GALC: variants seen among roughly 807,000 people sequenced by gnomAD.
The protein encoded by GALC is galactosylceramidase.
Under a neutral mutation model 91.8 loss-of-function variants are expected in GALC, and 77 were observed. The ratio of observed to expected loss-of-function variants is 0.84; its 90% confidence interval spans 0.70 to 1.01. The LOEUF (loss-of-function observed/expected upper bound fraction) is 1.01, where lower values mean the gene tolerates loss of function less well. Ranked by LOEUF, GALC falls within the 50% of genes least tolerant of loss-of-function variation. The pLI is 0.00. For missense variants in GALC, 882 were observed against 855.9 expected (o/e 1.03, Z -0.38); for synonymous variants, 357 against 306.7 (o/e 1.16, Z -1.71).
Position 87,993,104 on chromosome 14 carries a change from C to T in GALC, c.61G>A (p.Ala21Thr). 2.5e-6 allele frequency: 4 copies of T among 1,587,084 alleles called. No homozygotes were observed. In the South Asian group the frequency reaches 3.4e-5, roughly 14 times the overall value. Residue 21 changes from alanine to threonine, a missense_variant, in exon 1 of 17, where the codon GCG becomes ACG. By Grantham distance (58) the Ala-to-Thr change is moderately conservative. Transcript: ENST00000261304. ...ACCGCGGCGCGGCCCGCCGAACCCG[C>T]GGCCGCAGTCATAGCTTTCGCTCGG... The part of the protein sequence containing the change: ...QRRAKAMTAA[A>T]GSAGRAAVPL...
At position 87,956,593 on chromosome 14, in the gene GALC, TACACACACACACACACACAC is replaced by T. The variant is rs56760246; in HGVS notation, c.1162-5865_1162-5846del. ...TATATATACACACACACCATATATA[TACACACACACACACACACAC>T]ACACACACCATATATATATGGTATA... On this transcript the variant is annotated intron_variant, in intron 10 of 16. Transcript: ENST00000261304. Among the ~76,000 whole-genome samples the T allele has an allele frequency of 4.2e-4, 58 of 139,284 alleles. No individual in the cohort carries two copies. The East Asian group carries it at 8.1e-3, about 19-fold the overall frequency. The allele number at this position is 139,284 out of a possible 152,430, so 91.4% of individuals were successfully genotyped here.
intron 10 of GALC, chr14:87,952,915 A>G (rs1885371665): frequency 2.9e-5 from 27 of 921,166 alleles, no homozygotes; most frequent in Middle Eastern, 3.3e-4. Flanking sequence ...CTTCTCAGTG[A>G]AAATAAAATT....
At position 87,987,958 on chromosome 14, in the gene GALC, G is replaced by A; in HGVS notation, c.328+186C>T. On this transcript the variant is annotated intron_variant, in intron 3 of 16. Transcript: ENST00000261304. Reference sequence around the variant, plus strand: ...TTGAAGTTTGAATATTGTTTTTGATGGACCAGTCATATTCTATATAATATT... The same window carrying A: ...TTGAAGTTTGAATATTGTTTTTGATAGACCAGTCATATTCTATATAATATT... 3 of 578,278 alleles carry A rather than the reference G, an allele frequency of 5.2e-6. 1 individual carries two copies. Among genetic ancestry groups the A allele is most frequent in the Non-Finnish European group, 9.1e-6 (3 of 328,620 alleles). 35.8% of individuals were successfully genotyped at this position (578,278 alleles called of 1,614,324 possible).
In GALC at chr14:87,949,930, C is replaced by T. The variant is rs1386323776; in HGVS notation, c.1253G>A (p.Ser418Asn). ...FATFVLKGSFSEIPELQVWYT... is the reference protein window; with the variant it reads ...FATFVLKGSFNEIPELQVWYT... Reference sequence around the variant, plus strand: ...CCATACCTGTAGCTCTGGTATTTCACTCTGTAAAGAAAAGACAAAAAAGCA... The same window carrying T: ...CCATACCTGTAGCTCTGGTATTTCATTCTGTAAAGAAAAGACAAAAAAGCA... Residue 418 changes from serine (S) to asparagine (N), a missense_variant and splice_region_variant, in exon 12 of 17, where the codon AGT (serine) becomes AAT (asparagine). Transcript: ENST00000261304. 1 of 1,536,166 alleles carries T rather than the reference C, an allele frequency of 6.5e-7. No homozygotes were observed. Among genetic ancestry groups the T allele is most frequent in the South Asian group, 1.1e-5 (1 of 89,314 alleles).
chr14:87,951,611 T>A (rs1885312393), intron 10 of GALC, among the ~76,000 whole-genome samples: 1 of 151,916 alleles, frequency 6.6e-6, no homozygotes, highest in Non-Finnish European at 1.5e-5. Flanking sequence ...TCCTCATAAA[T>A]ACAGGAAGAT....
chr14:87,945,201 C>T (rs1042638058), intron 14 of GALC, among the ~76,000 whole-genome samples: 1 of 151,890 alleles, frequency 6.6e-6, no homozygotes, highest in African/African-American at 2.4e-5. Flanking sequence ...ATCAACAAAT[C>T]AACTCTCCAG....
chr14:87,946,919 C>T (rs1051177472), intron 13 of GALC, among the ~76,000 whole-genome samples: 1 of 151,880 alleles, frequency 6.6e-6, no homozygotes, highest in Non-Finnish European at 1.5e-5. Flanking sequence ...AGGCGAGACC[C>T]TGTAGCAGTG....
At chr14:87,992,896 C>A in intron 1 of GALC, 74 bp downstream of exon 1, 1 of 1,442,188 alleles carries the variant, frequency 6.9e-7, no homozygotes. Context: ...GGCAACGCCG[C>A]GGGGGCTTGT....
intron 10 of GALC, among the ~76,000 whole-genome samples, chr14:87,952,237 T>C (rs569663140): frequency 2.0e-5 from 3 of 151,804 alleles, no homozygotes; most frequent in Non-Finnish European, 4.4e-5. Context: ...CTAGCCAGAC[T>C]AATAAAAAAT....
intron 5 of GALC, among the ~76,000 whole-genome samples, chr14:87,983,968 T>C (rs1886857203): frequency 1.3e-5 from 2 of 152,116 alleles, no homozygotes; most frequent in Non-Finnish European, 2.9e-5. Flanking sequence ...AACCCAAAAC[T>C]ATTTATGCTC....
At chr14:87,955,498 G>T (rs190645011) in intron 10 of GALC, among the ~76,000 whole-genome samples, 1 of 151,982 alleles carries the variant, frequency 6.6e-6, no homozygotes, top group African/African-American at 2.4e-5. Flanking sequence ...TCCCTGCTAC[G>T]TTCCAGGCAT....
At position 87,978,874 on chromosome 14, in the gene GALC, T is replaced by C. The variant is rs533527830; in HGVS notation, c.622-2386A>G. Among the ~76,000 whole-genome samples, 347 of 152,018 alleles carry C rather than the reference T, an allele frequency of 2.3e-3. 1 individual carries two copies. Among genetic ancestry groups the C allele is most frequent in the African/African-American group, 8.2e-3 (340 of 41,486 alleles). On this transcript the variant is annotated intron_variant, in intron 6 of 16. Coordinates refer to ENST00000261304, the MANE Select transcript of GALC (RefSeq NM_000153.4). ...AAACAATACCCTTGTCATCTTTATATAAATTGCTCCTTTGTATTATATTTA... is the reference window on the plus strand; with the variant it reads ...AAACAATACCCTTGTCATCTTTATACAAATTGCTCCTTTGTATTATATTTA...
At chr14:87,953,396 G>C in intron 10 of GALC, 1 of 1,445,374 alleles carries the variant, frequency 6.9e-7, no homozygotes, top group Non-Finnish European at 9.7e-7. Context: ...GCATATGAAA[G>C]TGGACAAAAC....
chr14:87,980,535 T>C (rs1886695693), intron 6 of GALC: 7 of 962,598 alleles, frequency 7.3e-6, no homozygotes, highest in Non-Finnish European at 4.9e-6. Context: ...GCACATGATA[T>C]GCCCCTGCCT....
chr14:87,969,750 C>G (rs926331592), intron 7 of GALC, among the ~76,000 whole-genome samples: 4 of 152,088 alleles, frequency 2.6e-5, no homozygotes, highest in African/African-American at 9.7e-5. Context: ...TTTTAGGTCA[C>G]AAATCTTTTA....
intron 9 of GALC, among the ~76,000 whole-genome samples, chr14:87,963,973 A>G (rs995385504): frequency 4.6e-5 from 7 of 152,172 alleles, no homozygotes; most frequent in African/African-American, 1.4e-4. Flanking sequence ...ACTAAGCAAT[A>G]TACCATGTCC....
chr14:87,986,162 A>G (rs144238985), intron 4 of GALC, among the ~76,000 whole-genome samples: 11 of 152,314 alleles, frequency 7.2e-5, no homozygotes, highest in African/African-American at 2.6e-4. Context: ...CATAGGAAAC[A>G]TGGAATTAGG....
chr14:87,964,635 A>T (rs1180553974), intron 9 of GALC, among the ~76,000 whole-genome samples: 1 of 152,142 alleles, frequency 6.6e-6, no homozygotes, highest in Non-Finnish European at 1.5e-5. Flanking sequence ...ATACTGTAGT[A>T]AAACTTTTGT....
chr14:87,953,264 A>G, intron 10 of GALC: 1 of 1,498,596 alleles, frequency 6.7e-7, no homozygotes, highest in Non-Finnish European at 9.3e-7. Flanking sequence ...GCTCAAAAGA[A>G]AGATAAAGGG....
Sources: gnomAD v4.1 joint callset for allele counts (sites outside exome capture counted in the v4.1 genomes callset) on GRCh38, gnomAD v4.1.1 for gene constraint, MANE v1.5 for transcripts, NCBI Gene and HGNC (gene_info 2026-07-23, HGNC 2026-07-21) for gene names.